SLC39A11: variants seen among roughly 807,000 people sequenced by gnomAD.
The protein encoded by SLC39A11 is solute carrier family 39 member 11, also known as zinc transporter ZIP11.
A neutral mutation model predicts 36.1 loss-of-function variants in SLC39A11; 33 were observed. The ratio of observed to expected loss-of-function variants is 0.91; its 90% CI spans 0.69 to 1.22. The LOEUF is 1.22. Ranked by LOEUF, SLC39A11 falls within the 50% of genes most tolerant of loss-of-function variation. The probability of loss-of-function intolerance (pLI) is 0.00; values close to 1 mark genes in which losing one functional copy is unlikely to be tolerated. For missense variants in SLC39A11, 432 were observed against 430.3 expected (o/e 1.00, Z -0.03); for synonymous variants, 166 against 170.3 (o/e 0.97, Z 0.20).
intron 7 of SLC39A11, among the ~76,000 whole-genome samples, chr17:72,680,944 CTTTG>C (rs1028946235): frequency 1.2e-4 from 18 of 152,034 alleles, no homozygotes; most frequent in African/African-American, 2.9e-4. Flanking sequence ...TTTTCGGTTT[CTTTG>C]TTTGTTTTTT....
At chr17:72,882,184 C>A (rs1453840871) in intron 5 of SLC39A11, among the ~76,000 whole-genome samples, 1 of 152,108 alleles carries the variant, frequency 6.6e-6, no homozygotes, top group African/African-American at 2.4e-5. Context: ...GAAACCTCAT[C>A]TCTACTACAA....
Position 72,770,111 on chromosome 17 carries a change from G to A in SLC39A11, c.602-33392C>T, listed in dbSNP as rs1021495381. Among the ~76,000 whole-genome samples, 13 of 152,172 alleles carry A rather than the reference G, an allele frequency of 8.5e-5. No individual in the cohort carries two copies. In the South Asian group the frequency reaches 1.0e-3, roughly 12 times the overall value. On this transcript the variant is annotated intron_variant, in intron 6 of 9. Coordinates refer to ENST00000255559, the MANE Select transcript of SLC39A11 (RefSeq NM_139177.4). ...CTTCCTGAGGCTGTGTCACGGGCTC[G>A]TCCTCAACCTTGGCAAAATAAACTT...
At chr17:72,987,080 G>A (rs1396462002) in intron 4 of SLC39A11, among the ~76,000 whole-genome samples, 2 of 152,196 alleles carry the variant, frequency 1.3e-5, no homozygotes, top group East Asian at 3.9e-4. Flanking sequence ...CCTCCCCACA[G>A]TAATGTGCGA....
At chr17:72,670,690 G>A (rs968837333) in intron 7 of SLC39A11, among the ~76,000 whole-genome samples, 1 of 152,166 alleles carries the variant, frequency 6.6e-6, no homozygotes, top group Admixed American at 6.5e-5. Flanking sequence ...GCCATTGGGA[G>A]CTCCTTCAGG....
At chr17:72,656,044 G>GCTGA (rs2070101698) in intron 7 of SLC39A11, among the ~76,000 whole-genome samples, 1 of 152,162 alleles carries the variant, frequency 6.6e-6, no homozygotes, top group Non-Finnish European at 1.5e-5. Context: ...AACACTCTGA[G>GCTGA]CTGACGATCC....
intron 7 of SLC39A11, among the ~76,000 whole-genome samples, chr17:72,695,061 G>C (rs1256205873): frequency 1.3e-5 from 2 of 152,140 alleles, no homozygotes; most frequent in Admixed American, 6.5e-5. Flanking sequence ...GCAGTTCCTT[G>C]GTTCTCTTTG....
At chr17:72,804,748 C>T (rs1042869030) in intron 6 of SLC39A11, among the ~76,000 whole-genome samples, 4 of 152,172 alleles carry the variant, frequency 2.6e-5, no homozygotes, top group Admixed American at 1.3e-4. Flanking sequence ...CTCCCGGCCA[C>T]GCAGTGGCTC....
chr17:72,902,819 C>T (rs1329807180), intron 5 of SLC39A11, among the ~76,000 whole-genome samples: 3 of 152,152 alleles, frequency 2.0e-5, no homozygotes, highest in Non-Finnish European at 4.4e-5. Flanking sequence ...CCAGGAGGAA[C>T]ACTCAGTCCC....
chr17:72,859,607 C>T (rs1243514586), intron 5 of SLC39A11, among the ~76,000 whole-genome samples: 1 of 151,088 alleles, frequency 6.6e-6, no homozygotes, highest in East Asian at 2.0e-4. Flanking sequence ...TGACTGCACT[C>T]TACCCTGAGA....
At chr17:72,937,290 A>T (rs995547251) in intron 5 of SLC39A11, among the ~76,000 whole-genome samples, 2 of 151,976 alleles carry the variant, frequency 1.3e-5, no homozygotes, top group Non-Finnish European at 2.9e-5. Context: ...GGTATCTACT[A>T]AAAAAAGTAC....
intron 7 of SLC39A11, among the ~76,000 whole-genome samples, chr17:72,654,541 C>A (rs2070016627): frequency 6.6e-6 from 1 of 152,200 alleles, no homozygotes; most frequent in African/African-American, 2.4e-5. Flanking sequence ...TCATAAGCCC[C>A]TGCCCCGCCT....
At chr17:72,985,771 T>C (rs554482507) in intron 4 of SLC39A11, among the ~76,000 whole-genome samples, 1 of 152,336 alleles carries the variant, frequency 6.6e-6, no homozygotes, top group East Asian at 1.9e-4. Flanking sequence ...CGATGCCCTA[T>C]CTCCCTGTGA....
At chr17:73,007,032 C>T (rs1048089800) in intron 4 of SLC39A11, among the ~76,000 whole-genome samples, 18 of 152,164 alleles carry the variant, frequency 1.2e-4, no homozygotes, top group Non-Finnish European at 1.9e-4. Context: ...AGAATGATGA[C>T]GCCACTGCCC....
At chr17:73,056,508 T>C (rs765912357) in intron 3 of SLC39A11, among the ~76,000 whole-genome samples, 3 of 152,168 alleles carry the variant, frequency 2.0e-5, no homozygotes, top group Non-Finnish European at 2.9e-5. Flanking sequence ...GATCTTTTTT[T>C]GGCTTTTGCA....
chr17:73,047,370 G>C (rs547282652), intron 3 of SLC39A11, among the ~76,000 whole-genome samples: 2 of 152,228 alleles, frequency 1.3e-5, no homozygotes, highest in Non-Finnish European at 2.9e-5. Context: ...TCAAATCCAA[G>C]CTCCACCATT....
chr17:72,966,381 C>T (rs959208359), intron 4 of SLC39A11, among the ~76,000 whole-genome samples: 1 of 152,070 alleles, frequency 6.6e-6, no homozygotes, highest in African/African-American at 2.4e-5. Flanking sequence ...CCGCCCCCCA[C>T]AGAGGGAGGC....
intron 5 of SLC39A11, among the ~76,000 whole-genome samples, chr17:72,933,597 G>A (rs986299486): frequency 9.2e-5 from 14 of 152,166 alleles, no homozygotes; most frequent in African/African-American, 3.4e-4. Context: ...TCTGCTCACT[G>A]CAACCTCCGC....
chr17:72,897,907 G>A (rs769522945), intron 5 of SLC39A11, among the ~76,000 whole-genome samples: 4 of 152,152 alleles, frequency 2.6e-5, no homozygotes, highest in Non-Finnish European at 5.9e-5. Context: ...GAGAAGAGGG[G>A]TGGAAGGTGA....
At chr17:72,792,023 C>T (rs925525783) in intron 6 of SLC39A11, among the ~76,000 whole-genome samples, 1 of 152,166 alleles carries the variant, frequency 6.6e-6, no homozygotes, top group Non-Finnish European at 1.5e-5. Flanking sequence ...AGAAGAAAAT[C>T]GAGGCACAGA....
Sources: gnomAD v4.1 joint callset for allele counts (sites outside exome capture counted in the v4.1 genomes callset) on GRCh38, gnomAD v4.1.1 for gene constraint, MANE v1.5 for transcripts, NCBI Gene and HGNC (gene_info 2026-07-23, HGNC 2026-07-21) for gene names.